MEGF10: variants seen among roughly 807,000 people sequenced by gnomAD.
MEGF10 encodes multiple epidermal growth factor-like domains protein 10.
MEGF10 carries 86 observed loss-of-function variants against 147.5 expected under a neutral mutation model. That is an observed-to-expected ratio of 0.58 (90% CI 0.49 to 0.70). The LOEUF (loss-of-function observed/expected upper bound fraction) is 0.70. MEGF10 is among the 30% of genes least tolerant of loss of function. MEGF10 has a pLI of 0.00. For missense variants in MEGF10, 1,329 were observed against 1,487.3 expected (o/e 0.89, Z 1.75); for synonymous variants, 478 against 525.5 (o/e 0.91, Z 1.24).
intron 2 of MEGF10, among the ~76,000 whole-genome samples, chr5:127,336,929 A>T (rs79533077): frequency 0.035 from 5,353 of 152,222 alleles, 151 homozygotes; most frequent in Non-Finnish European, 0.058. Context: ...TTTGTTCTCC[A>T]CTAGAAATGG....
intron 4 of MEGF10, among the ~76,000 whole-genome samples, chr5:127,353,670 TCTC>T (rs1457324934): frequency 6.6e-6 from 1 of 152,210 alleles, no homozygotes; most frequent in East Asian, 1.9e-4. Flanking sequence ...TGCCTTGTCT[TCTC>T]CTGCTGGATA....
chr5:127,247,354 A>G, the MEGF10 span, among the ~76,000 whole-genome samples: 5,878 of 12,986 alleles, frequency 0.45, 632 homozygotes, highest in Admixed American at 0.51. Context: ...GAAGAAGAAG[A>G]AGAAGAAGAA....
Position 127,418,536 on chromosome 5 carries a change from C to T in MEGF10, c.1306-584C>T, listed in dbSNP as rs1023193328. ...CCTATGTCATAACCCTTTGGTTCAG[C>T]CCTTGAATTAGCTTTGTCTTAAGAG... On this transcript the variant is annotated intron_variant, in intron 10 of 24. Transcript: ENST00000503335. 3.9e-5 allele frequency among the ~76,000 whole-genome samples: 6 copies of T among 152,170 alleles called. 1 individual carries two copies. The highest frequency in any genetic ancestry group is 1.5e-5 in the Non-Finnish European group (1 of 68,040).
intron 13 of MEGF10, among the ~76,000 whole-genome samples, chr5:127,429,200 A>C (rs575555475): frequency 1.5e-4 from 23 of 152,294 alleles, no homozygotes; most frequent in Admixed American, 1.4e-3. Context: ...TTTTGCTAAA[A>C]CTTCTGAAGG....
the MEGF10 span, among the ~76,000 whole-genome samples, chr5:127,277,290 C>T: frequency 6.6e-6 from 1 of 152,302 alleles, no homozygotes; most frequent in South Asian, 2.1e-4. Flanking sequence ...CTCCTGGGAG[C>T]AGACCACATC....
intron 1 of MEGF10, among the ~76,000 whole-genome samples, chr5:127,321,238 T>C (rs942451619): frequency 1.3e-5 from 2 of 152,164 alleles, no homozygotes; most frequent in African/African-American, 2.4e-5. Context: ...ATGAAAGGAT[T>C]TTGATTGGAC....
chr5:127,444,029 G>A (rs1765848931), intron 19 of MEGF10, among the ~76,000 whole-genome samples: 1 of 152,144 alleles, frequency 6.6e-6, no homozygotes, highest in African/African-American at 2.4e-5. Flanking sequence ...GTTTTCAATT[G>A]GGGTGTATGT....
At chr5:127,239,905 T>A in the MEGF10 span, among the ~76,000 whole-genome samples, 1 of 152,196 alleles carries the variant, frequency 6.6e-6, no homozygotes, top group Non-Finnish European at 1.5e-5. Flanking sequence ...TCATCCTTAC[T>A]TCTACCCAGC....
At chr5:127,370,980 C>G (rs1762825508) in intron 5 of MEGF10, among the ~76,000 whole-genome samples, 1 of 152,136 alleles carries the variant, frequency 6.6e-6, no homozygotes, top group Non-Finnish European at 1.5e-5. Context: ...TCTGAATGGA[C>G]TTATTTCAAT....
At chr5:127,331,506 T>C in intron 2 of MEGF10, 82 bp downstream of exon 2, 4 of 782,360 alleles carry the variant, frequency 5.1e-6, no homozygotes, top group Non-Finnish European at 8.4e-6. Context: ...ATGTATAAAA[T>C]TAGAATTTGT....
chr5:127,454,990 C>A (rs977196013), intron 23 of MEGF10, among the ~76,000 whole-genome samples: 1 of 152,144 alleles, frequency 6.6e-6, no homozygotes, highest in Non-Finnish European at 1.5e-5. Flanking sequence ...TGATTAGATG[C>A]CTAGTACAGA....
chr5:127,414,970 G>A (rs1764702865), intron 9 of MEGF10, among the ~76,000 whole-genome samples: 1 of 152,072 alleles, frequency 6.6e-6, no homozygotes, highest in Non-Finnish European at 1.5e-5. Flanking sequence ...AGGAAGGGAT[G>A]TTTAAGCTGA....
the MEGF10 span, among the ~76,000 whole-genome samples, chr5:127,281,082 C>T: frequency 1.3e-5 from 2 of 152,174 alleles, no homozygotes; most frequent in South Asian, 2.1e-4. Flanking sequence ...AAGGCATTGA[C>T]GGTGAGAACT....
In MEGF10 at chr5:127,454,574, G is replaced by A. The variant is rs1766283187; in HGVS notation, c.2989G>A (p.Gly997Arg). Residue 997 changes from glycine (G) to arginine (R), a missense_variant, in exon 23 of 25, where the codon GGA becomes AGA. Physicochemically the swap from Gly to Arg is moderately radical, Grantham distance 125 (BLOSUM62 -2). Coordinates refer to ENST00000503335, the MANE Select transcript of MEGF10 (RefSeq NM_001256545.2). ...TTCTTCCTTTATTACAGGTGCTTTTGGACTTGACAGAAGCTATATGGGAAA... is the reference window on the plus strand; with the variant it reads ...TTCTTCCTTTATTACAGGTGCTTTTAGACTTGACAGAAGCTATATGGGAAA... ...GGYLNELGAF[G>R]LDRSYMGKSL... 1 of 1,608,494 alleles carries A rather than the reference G, an allele frequency of 6.2e-7. No homozygotes were observed. Among genetic ancestry groups the A allele is most frequent in the Admixed American group, 1.7e-5 (1 of 59,148 alleles).
At chr5:127,391,584 A>G (rs1763698605) in intron 5 of MEGF10, among the ~76,000 whole-genome samples, 1 of 151,702 alleles carries the variant, frequency 6.6e-6, no homozygotes. Context: ...AAAAAAAAAA[A>G]AAAAGAGAGT....
intron 24 of MEGF10, among the ~76,000 whole-genome samples, 159 bp downstream of exon 24, chr5:127,455,766 G>C (rs1264741460): frequency 7.3e-6 from 1 of 136,462 alleles, no homozygotes; most frequent in African/African-American, 3.3e-5. Context: ...TTTTTGAGAT[G>C]GGGTCTCTCT....
rs1766405235 is a variant in MEGF10, at chr5:127,457,351, C to A, written c.*33C>A. On this transcript the variant is annotated 3_prime_UTR_variant, in exon 25 of 25. Coordinates refer to ENST00000503335, the MANE Select transcript of MEGF10 (RefSeq NM_001256545.2). ...GGACCGCTTGGTAGCCACTGGAACC[C>A]TTTCCAGAACTGCTGTTTGGTTCTT... 1 of 1,592,212 alleles carries A rather than the reference C, an allele frequency of 6.3e-7. No individual in the cohort carries two copies. The highest frequency in any genetic ancestry group is 1.3e-5 in the African/African-American group (1 of 74,620).
intron 1 of MEGF10, among the ~76,000 whole-genome samples, chr5:127,315,582 C>A (rs1196805509): frequency 6.6e-5 from 10 of 152,080 alleles, no homozygotes; most frequent in Admixed American, 6.6e-5. Context: ...TCAAGACCAG[C>A]ATGGGCAATA....
chr5:127,303,677 T>C (rs1459994402), intron 1 of MEGF10, among the ~76,000 whole-genome samples: 3 of 152,194 alleles, frequency 2.0e-5, no homozygotes, highest in African/African-American at 7.2e-5. Context: ...AGTACACATT[T>C]CAAGCATTGA....
Sources: gnomAD v4.1 joint callset for allele counts (sites outside exome capture counted in the v4.1 genomes callset) on GRCh38, gnomAD v4.1.1 for gene constraint, MANE v1.5 for transcripts, NCBI Gene and HGNC (gene_info 2026-07-23, HGNC 2026-07-21) for gene names.